The following PCDH15 variants were observed in gnomAD, a reference collection of about 807,000 sequenced individuals.
PCDH15 encodes protocadherin-15.
Under a neutral mutation model 178.5 loss-of-function variants are expected in PCDH15, and 129 were observed. That is an observed-to-expected ratio of 0.72 (90% CI 0.63 to 0.84). The LOEUF (loss-of-function observed/expected upper bound fraction) is 0.84, where lower values mean the gene tolerates loss of function less well. Among genes scored for constraint, PCDH15 ranks in the 40% least tolerant of loss-of-function variants. The pLI is 0.00. For missense variants in PCDH15, 2,230 were observed against 2,099.9 expected (o/e 1.06, Z -1.21); for synonymous variants, 800 against 732.0 (o/e 1.09, Z -1.50).
intron 3 of PCDH15, among the ~76,000 whole-genome samples, chr10:54,402,772 C>G (rs1952096180): frequency 6.6e-6 from 1 of 151,914 alleles, no homozygotes; most frequent in Non-Finnish European, 1.5e-5. Context: ...TTTGTGTGTT[C>G]TGATTGCTCC....
chr10:53,867,592 C>T (rs2079546204), intron 26 of PCDH15, among the ~76,000 whole-genome samples: 1 of 152,030 alleles, frequency 6.6e-6, no homozygotes, highest in South Asian at 2.1e-4. Flanking sequence ...TTTTGGTTTA[C>T]AGGTTTGTTG....
intron 2 of PCDH15, among the ~76,000 whole-genome samples, chr10:55,595,160 A>G (rs1842914355): frequency 6.6e-6 from 1 of 152,080 alleles, no homozygotes; most frequent in Non-Finnish European, 1.5e-5. Context: ...ATCAATCATA[A>G]TGGTATAGTA....
At chr10:54,294,546 A>G (rs2059625382) in intron 8 of PCDH15, among the ~76,000 whole-genome samples, 1 of 152,226 alleles carries the variant, frequency 6.6e-6, no homozygotes, top group Admixed American at 6.5e-5. Flanking sequence ...CAAGATGCCA[A>G]AAGATAAAAA....
At chr10:53,829,406 A>G (rs2132609640) in intron 30 of PCDH15, among the ~76,000 whole-genome samples, 1 of 152,312 alleles carries the variant, frequency 6.6e-6, no homozygotes, top group South Asian at 2.1e-4. Flanking sequence ...ATCATTGCAT[A>G]CTGTGCCAAA....
intron 3 of PCDH15, among the ~76,000 whole-genome samples, chr10:54,839,779 C>A (rs1211026882): frequency 6.6e-6 from 1 of 151,960 alleles, no homozygotes; most frequent in Non-Finnish European, 1.5e-5. Context: ...AGCAACTCAT[C>A]ACATACAAGG....
intron 13 of PCDH15, among the ~76,000 whole-genome samples, chr10:54,174,110 T>G (rs1237154102): frequency 1.3e-5 from 2 of 152,226 alleles, no homozygotes; most frequent in Non-Finnish European, 2.9e-5. Flanking sequence ...AGCATGCTAA[T>G]TATTTGAGTG....
intron 18 of PCDH15, among the ~76,000 whole-genome samples, chr10:54,027,840 A>G (rs1471427667): frequency 1.4e-5 from 2 of 143,036 alleles, no homozygotes; most frequent in African/African-American, 5.3e-5. Context: ...TAAAAACCAT[A>G]GAAGAAAACC....
chr10:55,136,383 AG>A (rs1359029961), intron 2 of PCDH15, among the ~76,000 whole-genome samples: 1 of 152,148 alleles, frequency 6.6e-6, no homozygotes, highest in African/African-American at 2.4e-5. Flanking sequence ...ATTAAAACAA[AG>A]CAAAACGAAA....
At chr10:55,102,396 A>G (rs1343477797) in intron 2 of PCDH15, among the ~76,000 whole-genome samples, 2 of 152,164 alleles carry the variant, frequency 1.3e-5, no homozygotes, top group Non-Finnish European at 2.9e-5. Context: ...GCCTGAAATT[A>G]TGGATAGTAC....
chr10:54,304,207 A>G lies in PCDH15; in HGVS notation c.876+13064T>C, dbSNP rs144971227. Among the ~76,000 whole-genome samples, 329 of 152,218 alleles carry G rather than the reference A, an allele frequency of 2.2e-3. 1 individual carries two copies. The highest frequency in any genetic ancestry group is 5.6e-3 in the African/African-American group (232 of 41,562). On this transcript the variant is annotated intron_variant, in intron 8 of 37. Transcript: ENST00000644397. ...CTCACCCATATCATTGTTTCCCGTT[A>G]AATTAACACTGGCATAAGCCAGCTG...
intron 1 of PCDH15, among the ~76,000 whole-genome samples, chr10:54,685,840 C>T (rs1338028408): frequency 6.6e-6 from 1 of 152,024 alleles, no homozygotes; most frequent in Non-Finnish European, 1.5e-5. Context: ...ACTGATTGAA[C>T]TGCACTGAAG....
intron 8 of PCDH15, among the ~76,000 whole-genome samples, chr10:54,315,745 A>G (rs924202170): frequency 7.2e-5 from 11 of 151,950 alleles, no homozygotes; most frequent in African/African-American, 2.7e-4. Context: ...CAATCTTCAT[A>G]TGGCTAGCCA....
chr10:55,565,361 G>T (rs1842280766), intron 2 of PCDH15, among the ~76,000 whole-genome samples: 1 of 151,486 alleles, frequency 6.6e-6, no homozygotes, highest in Admixed American at 6.6e-5. Context: ...CGCTAAGAGA[G>T]AAATGTATAG....
intron 1 of PCDH15, among the ~76,000 whole-genome samples, chr10:54,686,882 T>C (rs1384306388): frequency 6.6e-6 from 1 of 152,180 alleles, no homozygotes; most frequent in Non-Finnish European, 1.5e-5. Flanking sequence ...GTATATTTGA[T>C]AAAGGTTTGA....
At chr10:54,557,101 C>G (rs994322636) in intron 2 of PCDH15, among the ~76,000 whole-genome samples, 9 of 152,110 alleles carry the variant, frequency 5.9e-5, no homozygotes, top group African/African-American at 2.2e-4. Flanking sequence ...CTCACCTTGT[C>G]TAAGGGCAAC....
chr10:55,258,423 C>T (rs1309735160), intron 1 of PCDH15, among the ~76,000 whole-genome samples: 1 of 152,104 alleles, frequency 6.6e-6, no homozygotes, highest in Non-Finnish European at 1.5e-5. Context: ...ATTTAAATTC[C>T]ACATTTGTCC....
At chr10:54,760,206 C>T (rs1947691603) in intron 1 of PCDH15, among the ~76,000 whole-genome samples, 1 of 151,770 alleles carries the variant, frequency 6.6e-6, no homozygotes, top group African/African-American at 2.4e-5. Context: ...GGGAACAATA[C>T]CTCCAACTGT....
At chr10:54,166,365 T>C (rs1333527436) in intron 13 of PCDH15, among the ~76,000 whole-genome samples, 1 of 152,250 alleles carries the variant, frequency 6.6e-6, no homozygotes, top group East Asian at 1.9e-4. Flanking sequence ...TGTGCCTTAC[T>C]CGTTCTACGT....
intron 3 of PCDH15, among the ~76,000 whole-genome samples, chr10:54,846,977 C>A (rs137864098): frequency 6.6e-6 from 1 of 152,120 alleles, no homozygotes; most frequent in Non-Finnish European, 1.5e-5. Context: ...ATTTATCCTA[C>A]GCCACATCAA....
Sources: gnomAD v4.1 joint callset for allele counts (sites outside exome capture counted in the v4.1 genomes callset) on GRCh38, gnomAD v4.1.1 for gene constraint, MANE v1.5 for transcripts, NCBI Gene and HGNC (gene_info 2026-07-23, HGNC 2026-07-21) for gene names.